The following RBMS1 variants were observed in gnomAD, a reference collection of about 807,000 sequenced individuals.
The protein encoded by RBMS1 is RNA binding motif single stranded interacting protein 1, also known as RNA-binding motif, single-stranded-interacting protein 1.
Under a neutral mutation model 62.3 loss-of-function variants are expected in RBMS1, and 17 were observed. The ratio of observed to expected loss-of-function variants is 0.27; its 90% CI spans 0.19 to 0.41. The LOEUF is 0.41. Among genes scored for constraint, RBMS1 ranks in the 10% least tolerant of loss-of-function variants. The probability of loss-of-function intolerance (pLI) is 1.00; values close to 1 mark genes in which losing one functional copy is unlikely to be tolerated. For synonymous variants in RBMS1, 172 were observed against 170.0 expected (o/e 1.01, Z -0.09); for missense variants, 334 against 504.5 (o/e 0.66, Z 3.24).
intron 6 of RBMS1, among the ~76,000 whole-genome samples, chr2:160,295,478 T>C (rs1015089466): frequency 2.0e-5 from 3 of 152,224 alleles, no homozygotes; most frequent in African/African-American, 7.2e-5. Context: ...ACAGCTTGAC[T>C]GAAAAACTGT....
chr2:160,275,580 A>C (rs1327874303), intron 13 of RBMS1, 50 bp downstream of exon 13: 8 of 1,597,058 alleles, frequency 5.0e-6, no homozygotes, highest in Non-Finnish European at 6.8e-6. Context: ...AAAGCCCTAT[A>C]GATTGTGCTT....
intron 1 of RBMS1, among the ~76,000 whole-genome samples, chr2:160,414,344 T>G (rs1469694438): frequency 6.6e-6 from 1 of 151,768 alleles, no homozygotes; most frequent in East Asian, 1.9e-4. Flanking sequence ...TGGGACAGAG[T>G]TAGGAGAGAA....
At chr2:160,340,933 G>T (rs1245817891) in intron 2 of RBMS1, among the ~76,000 whole-genome samples, 1 of 152,026 alleles carries the variant, frequency 6.6e-6, no homozygotes, top group Non-Finnish European at 1.5e-5. Flanking sequence ...ACCAAATGAT[G>T]GTTCTGAATC....
At chr2:160,387,318 T>C (rs1378120712) in intron 1 of RBMS1, among the ~76,000 whole-genome samples, 10 of 152,154 alleles carry the variant, frequency 6.6e-5, no homozygotes, top group Non-Finnish European at 1.5e-4. Flanking sequence ...TGATTTTTTT[T>C]TTTTGCAGTC....
chr2:160,484,122 G>A (rs1224948007), intron 1 of RBMS1, among the ~76,000 whole-genome samples: 1 of 151,402 alleles, frequency 6.6e-6, no homozygotes, highest in African/African-American at 2.4e-5. Context: ...TATAGGCATA[G>A]CCACTGCTCC....
chr2:160,365,831 G>A (rs752000180), intron 2 of RBMS1, among the ~76,000 whole-genome samples: 1 of 152,226 alleles, frequency 6.6e-6, no homozygotes, highest in Non-Finnish European at 1.5e-5. Flanking sequence ...TGAAAGGCCA[G>A]CAGCAGAGGA....
At chr2:160,363,556 G>C (rs565576160) in intron 2 of RBMS1, among the ~76,000 whole-genome samples, 37 of 151,978 alleles carry the variant, frequency 2.4e-4, no homozygotes, top group Non-Finnish European at 4.9e-4. Flanking sequence ...TCTTCTGGTA[G>C]GGAGAAGAAG....
At chr2:160,324,139 T>G (rs1690748338) in intron 2 of RBMS1, among the ~76,000 whole-genome samples, 1 of 152,216 alleles carries the variant, frequency 6.6e-6, no homozygotes, top group African/African-American at 2.4e-5. Context: ...AAAAGTAGGT[T>G]GAAAAATTAA....
At chr2:160,409,544 G>A (rs1695937357) in intron 1 of RBMS1, among the ~76,000 whole-genome samples, 1 of 152,126 alleles carries the variant, frequency 6.6e-6, no homozygotes, top group Non-Finnish European at 1.5e-5. Flanking sequence ...TCAAGCACAA[G>A]TATAAAATAG....
chr2:160,382,353 T>C (rs1694323229), intron 1 of RBMS1, among the ~76,000 whole-genome samples: 2 of 152,170 alleles, frequency 1.3e-5, no homozygotes, highest in African/African-American at 2.4e-5. Flanking sequence ...CTAAAGCATC[T>C]CCAGAACAAT....
intron 1 of RBMS1, among the ~76,000 whole-genome samples, chr2:160,444,016 C>T (rs1683535639): frequency 6.6e-6 from 1 of 152,044 alleles, no homozygotes; most frequent in Non-Finnish European, 1.5e-5. Context: ...ATCTTTGACC[C>T]CAAACTCTCT....
intron 1 of RBMS1, among the ~76,000 whole-genome samples, chr2:160,488,423 A>G (rs998972295): frequency 6.6e-6 from 1 of 152,150 alleles, no homozygotes; most frequent in Non-Finnish European, 1.5e-5. Context: ...TGAAAATACA[A>G]AAATTAGGGA....
chr2:160,419,195 T>A (rs1281305700), intron 1 of RBMS1, among the ~76,000 whole-genome samples: 2 of 152,188 alleles, frequency 1.3e-5, no homozygotes, highest in Non-Finnish European at 2.9e-5. Flanking sequence ...CTTGATTGAT[T>A]TAAAATATAT....
chr2:160,367,367 T>C lies in RBMS1; in HGVS notation c.100A>G (p.Met34Val), dbSNP rs1320655682. The change falls in exon 2 of 14, where the codon ATG (methionine) becomes GTG (valine). Residue 34 changes from methionine to valine, a missense_variant. Physicochemically the swap from Met to Val is conservative, Grantham distance 21. This residue lies in a region of RBMS1 where 150 missense variants were observed against 228.0 expected (regional missense o/e 0.66). Coordinates refer to ENST00000348849, the MANE Select transcript of RBMS1 (RefSeq NM_016836.4). ...AKQSLVPAHP[M>V]APPSPSTTSS... ...GTGGTGCTGGGACTGGGAGGGGCCA[T>C]GGGGTGGGCTGGGACCAGAGACTGC... 2.5e-6 allele frequency: 4 copies of C among 1,607,468 alleles called. No homozygotes were observed. The highest frequency in any genetic ancestry group is 1.1e-5 in the South Asian group (1 of 90,984).
intron 1 of RBMS1, among the ~76,000 whole-genome samples, chr2:160,428,237 T>C (rs1017347250): frequency 1.3e-5 from 2 of 152,130 alleles, no homozygotes; most frequent in African/African-American, 4.8e-5. Context: ...TTCACAGAAA[T>C]GTAGCCTGGC....
intron 2 of RBMS1, among the ~76,000 whole-genome samples, chr2:160,350,241 A>G (rs902520714): frequency 6.6e-6 from 1 of 152,098 alleles, no homozygotes; most frequent in Admixed American, 6.6e-5. Context: ...CACTAACAGC[A>G]TTACAAGTGG....
At chr2:160,433,416 GA>G (rs1019490496) in intron 1 of RBMS1, among the ~76,000 whole-genome samples, 1 of 152,040 alleles carries the variant, frequency 6.6e-6, no homozygotes, top group South Asian at 2.1e-4. Context: ...CTTGTCGCCA[GA>G]AAAAAACAAA....
chr2:160,324,916 A>G (rs1248599094), intron 2 of RBMS1, among the ~76,000 whole-genome samples: 2 of 139,572 alleles, frequency 1.4e-5, no homozygotes, highest in African/African-American at 5.6e-5. Context: ...ATACACACAC[A>G]CACACACACA....
At chr2:160,347,812 G>T (rs770987625) in intron 2 of RBMS1, among the ~76,000 whole-genome samples, 2 of 152,000 alleles carry the variant, frequency 1.3e-5, no homozygotes, top group African/African-American at 2.4e-5. Context: ...CTCAAATCTA[G>T]CCCAATAACA....
Sources: allele counts gnomAD v4.1 joint callset (sites outside exome capture counted in the v4.1 genomes callset), GRCh38; gene constraint gnomAD v4.1.1; regional missense constraint gnomAD v4.1.1; transcripts MANE v1.5; gene names NCBI Gene and HGNC (gene_info 2026-07-23, HGNC 2026-07-21).